The following DCAF1 variants were observed in gnomAD, a reference collection of about 807,000 sequenced individuals.
The protein encoded by DCAF1 is DDB1- and CUL4-associated factor 1.
DCAF1 carries 15 observed loss-of-function variants against 128.0 expected under a neutral mutation model. The ratio of observed to expected loss-of-function variants is 0.12; its 90% CI spans 0.08 to 0.18. The LOEUF (loss-of-function observed/expected upper bound fraction) is 0.18. Among genes scored for constraint, DCAF1 ranks in the 10% least tolerant of loss-of-function variants. The probability of loss-of-function intolerance (pLI) is 1.00; values close to 1 mark genes in which losing one functional copy is unlikely to be tolerated. For synonymous variants in DCAF1, 610 were observed against 603.0 expected (o/e 1.01, Z -0.17); for missense variants, 988 against 1,649.5 (o/e 0.60, Z 6.95).
chr3:51,405,156 C>T (rs1156241874), intron 23 of DCAF1, among the ~76,000 whole-genome samples: 1 of 152,148 alleles, frequency 6.6e-6, no homozygotes, highest in Non-Finnish European at 1.5e-5. Context: ...GTGGACAGAA[C>T]ACTTATATTT....
Position 51,415,861 on chromosome 3 carries a change from G to A in DCAF1, c.3603+926C>T, listed in dbSNP as rs572327109. Among the ~76,000 whole-genome samples, 32 of 152,228 alleles carry A rather than the reference G, an allele frequency of 2.1e-4. 1 individual carries two copies. Among genetic ancestry groups the A allele is most frequent in the African/African-American group, 7.0e-4 (29 of 41,544 alleles). On this transcript the variant is annotated intron_variant, in intron 18 of 24. Coordinates refer to ENST00000684031, the MANE Select transcript of DCAF1 (RefSeq NM_001387579.1). ...AGCCTCCCAAAGTGCTGGGATTACAGGCAGAAGCCACTAAGTCTGGCCAGC... is the reference window on the plus strand; with the variant it reads ...AGCCTCCCAAAGTGCTGGGATTACAAGCAGAAGCCACTAAGTCTGGCCAGC...
downstream of DCAF1, chr3:51,397,267 G>A (rs1559460666): frequency 1.2e-5 from 2 of 167,088 alleles, no homozygotes; most frequent in Non-Finnish European, 2.9e-5. Context: ...GCGGGTGAGT[G>A]AAAAGGTGGA....
intron 3 of DCAF1, among the ~76,000 whole-genome samples, chr3:51,479,516 C>T (rs1257949065): frequency 2.7e-5 from 4 of 148,772 alleles, no homozygotes; most frequent in East Asian, 2.0e-4. Context: ...TAGCTGGGCA[C>T]GGTGGCTCAC....
intron 9 of DCAF1, among the ~76,000 whole-genome samples, chr3:51,434,151 T>C (rs1700620820): frequency 2.6e-5 from 4 of 151,738 alleles, no homozygotes; most frequent in African/African-American, 7.3e-5. Context: ...CCTGCAATTC[T>C]AGTACTTTGA....
At chr3:51,396,003 A>C, downstream of DCAF1, 1 of 413,126 alleles carries the variant, frequency 2.4e-6, no homozygotes. Flanking sequence ...GTACCGCCAG[A>C]AACAGGAGTG....
At chr3:51,487,176 T>C (rs1553655836) in intron 2 of DCAF1, among the ~76,000 whole-genome samples, 2 of 151,996 alleles carry the variant, frequency 1.3e-5, no homozygotes, top group Non-Finnish European at 2.9e-5. Context: ...TTCACCATGT[T>C]GGCCAGTCTG....
At chr3:51,463,657 C>T (rs1370581396) in intron 5 of DCAF1, among the ~76,000 whole-genome samples, 2 of 152,036 alleles carry the variant, frequency 1.3e-5, no homozygotes, top group Admixed American at 6.6e-5. Context: ...GTGGCACATG[C>T]CTGTAGTCCC....
At chr3:51,452,408 T>C (rs1553641706) in intron 6 of DCAF1, among the ~76,000 whole-genome samples, 1 of 151,996 alleles carries the variant, frequency 6.6e-6, no homozygotes, top group African/African-American at 2.4e-5. Context: ...TTCTGAAGAG[T>C]ACAGATCATC....
rs781948258 is a variant in DCAF1 at position 51,441,633 on chromosome 3, C to G, written c.778G>C (p.Glu260Gln). Residue 260 changes from glutamate (E) to glutamine (Q), a missense_variant, in exon 8 of 25, where the codon GAG becomes CAG. By Grantham distance (29) the Glu-to-Gln change is conservative. Coordinates refer to ENST00000684031, the MANE Select transcript of DCAF1 (RefSeq NM_001387579.1). The stretch of plus-strand genomic sequence containing the variant: ...TTGTTTTTCTTTAATCCTCCATCCT[C>G]AGGTTTGGTTGTTGAGTTCACTCTG... ...SSRVNSTTKP[E>Q]DGGLKKNKSA... The G allele has an allele frequency of 9.9e-6, 16 of 1,613,842 alleles. No homozygotes were observed. In the African/African-American group the frequency reaches 2.0e-4, roughly 20 times the overall value.
chr3:51,497,748 T>C (rs916119115), intron 1 of DCAF1, among the ~76,000 whole-genome samples: 1 of 152,134 alleles, frequency 6.6e-6, no homozygotes, highest in African/African-American at 2.4e-5. Flanking sequence ...CCAATCATGT[T>C]AGCCTGTGAC....
At chr3:51,412,868 C>T (rs941211330) in intron 22 of DCAF1, 125 bp downstream of exon 22, 1 of 1,414,524 alleles carries the variant, frequency 7.1e-7, no homozygotes, top group Middle Eastern at 1.8e-4. Flanking sequence ...AATAGGTTAT[C>T]AATAATCTAC....
intron 6 of DCAF1, among the ~76,000 whole-genome samples, chr3:51,451,069 C>CTTTTTT (rs1167474829): frequency 0.013 from 355 of 27,106 alleles, 160 homozygotes; most frequent in Non-Finnish European, 0.017. Context: ...AAAGGAAATT[C>CTTTTTT]TTTTTTTTTT....
At position 51,420,151 on chromosome 3, in the gene DCAF1, A is replaced by C; in HGVS notation, c.2819T>G (p.Leu940Arg). 2 of 1,613,998 alleles carry C rather than the reference A, an allele frequency of 1.2e-6. No individual in the cohort carries two copies. Among genetic ancestry groups the C allele is most frequent in the Non-Finnish European group, 8.5e-7 (1 of 1,179,892 alleles). Reference protein sequence around the residue: ...HPQPRPPQGPLALPGPSYAGN... With the variant: ...HPQPRPPQGPRALPGPSYAGN... ...TGCATAAGATGGGCCGGGCAGAGCT[A>C]GCGGACCCTGGGGGGGCCGTGGCTG... The change falls in exon 15 of 25, where the codon CTA (leucine) becomes CGA (arginine). Residue 940 changes from leucine (L) to arginine (R), a missense_variant. Transcript: ENST00000684031. The surrounding 1 kb of genome is among the most constrained non-coding windows in gnomAD (Gnocchi z 6.5).
At chr3:51,403,480 G>C in intron 23 of DCAF1, 85 bp from the exon 24 acceptor site, 1 of 1,509,782 alleles carries the variant, frequency 6.6e-7, no homozygotes, top group Non-Finnish European at 8.9e-7. Flanking sequence ...AAAGAGACAG[G>C]GTAGGAAACT....
At chr3:51,447,918 A>C (rs1702030094) in intron 6 of DCAF1, among the ~76,000 whole-genome samples, 1 of 152,078 alleles carries the variant, frequency 6.6e-6, no homozygotes, top group South Asian at 2.1e-4. Flanking sequence ...CTGCATTCCA[A>C]CCTGGGCGAC....
chr3:51,443,643 T>A (rs1339773097), intron 7 of DCAF1, 123 bp downstream of exon 7: 1 of 873,294 alleles, frequency 1.1e-6, no homozygotes, highest in Non-Finnish European at 1.6e-6. Flanking sequence ...AAACTAATAT[T>A]GAAATTATAG....
At chr3:51,457,324 C>T (rs576330096) in intron 6 of DCAF1, among the ~76,000 whole-genome samples, 119 of 151,244 alleles carry the variant, frequency 7.9e-4, no homozygotes, top group South Asian at 8.4e-4. Flanking sequence ...TGATGGAAGA[C>T]GAAATTAATG....
chr3:51,425,263 G>A (rs1371750603), intron 13 of DCAF1, among the ~76,000 whole-genome samples: 1 of 152,100 alleles, frequency 6.6e-6, no homozygotes, highest in African/African-American at 2.4e-5. Flanking sequence ...TCAAGGCCAG[G>A]AGTTCGAGAC....
chr3:51,452,818 C>T (rs1327352252), intron 6 of DCAF1, among the ~76,000 whole-genome samples: 1 of 152,042 alleles, frequency 6.6e-6, no homozygotes, highest in African/African-American at 2.4e-5. Flanking sequence ...TCAAGACCAG[C>T]CTGGCCAACG....
Sources: gnomAD v4.1 joint callset for allele counts (sites outside exome capture counted in the v4.1 genomes callset) on GRCh38, gnomAD v4.1.1 for gene constraint, Gnocchi (gnomAD v3.1) non-coding constraint, MANE v1.5 for transcripts, NCBI Gene and HGNC (gene_info 2026-07-23, HGNC 2026-07-21) for gene names.